The following PPP1R14C variants were observed in gnomAD, a reference collection of about 807,000 sequenced individuals.
PPP1R14C encodes protein phosphatase 1 regulatory inhibitor subunit 14C, also known as protein phosphatase 1 regulatory subunit 14C.
In PPP1R14C, 16 loss-of-function variants were observed where a neutral mutation model predicts 20.4. That is an observed-to-expected ratio of 0.78 (90% CI 0.53 to 1.19). The LOEUF is 1.19. Among genes scored for constraint, PPP1R14C ranks in the 50% most tolerant of loss-of-function variants. PPP1R14C has a pLI of 0.00. For synonymous variants in PPP1R14C, 91 were observed against 91.0 expected (o/e 1.00, Z 0.00); for missense variants, 211 against 220.1 (o/e 0.96, Z 0.26).
intron 1 of PPP1R14C, among the ~76,000 whole-genome samples, chr6:150,180,260 A>C (rs1344999483): frequency 1.3e-5 from 2 of 152,224 alleles, no homozygotes; most frequent in African/African-American, 4.8e-5. Flanking sequence ...AAGCATTAGC[A>C]TAGTGTCTGG....
Position 150,151,063 on chromosome 6 carries a change from A to G in PPP1R14C, c.306+7565A>G, listed in dbSNP as rs1181046390. Among the ~76,000 whole-genome samples the G allele has an allele frequency of 2.2e-5, 3 of 135,364 alleles. No individual in the cohort carries two copies. In the South Asian group the frequency reaches 7.1e-4, roughly 32 times the overall value. The allele number at this position is 135,364 out of a possible 152,430, so 88.8% of individuals were successfully genotyped here. A position where few individuals can be genotyped will look rare whatever the true frequency, so the allele number is the denominator to read the frequency against. On this transcript the variant is annotated intron_variant, in intron 1 of 3. Coordinates refer to ENST00000361131, the MANE Select transcript of PPP1R14C (RefSeq NM_030949.3). ...GTTTTGTTTTGTTTTTTTTTCCTTC[A>G]CTCCTGCGTGCTGTTTTTGGATGAT... is the stretch of plus-strand genomic sequence containing the variant.
intron 1 of PPP1R14C, among the ~76,000 whole-genome samples, chr6:150,199,296 A>G (rs1477645391): frequency 6.6e-6 from 1 of 152,216 alleles, no homozygotes; most frequent in African/African-American, 2.4e-5. Flanking sequence ...TGTCCCCTCC[A>G]AAATTCAGGT....
chr6:150,217,484 C>T (rs572186537), intron 3 of PPP1R14C, among the ~76,000 whole-genome samples: 3 of 152,176 alleles, frequency 2.0e-5, no homozygotes, highest in East Asian at 1.9e-4. Flanking sequence ...TGTGAGCCAC[C>T]GCACCCGGCC....
In PPP1R14C at chr6:150,250,194, G is replaced by A. The variant is rs1778548535; in HGVS notation, c.*1374G>A. 1 of 152,404 alleles carries A rather than the reference G, an allele frequency of 6.6e-6. No homozygotes were observed. The highest frequency in any genetic ancestry group is 1.5e-5 in the Non-Finnish European group (1 of 68,044). The allele number at this position is 152,404 out of a possible 1,614,324, so 9.4% of individuals were successfully genotyped here. On this transcript the variant is annotated 3_prime_UTR_variant, in exon 4 of 4. Transcript: ENST00000361131. ...GGCCTTGTCCAAGGATGGGGGTCAG[G>A]CATTTTATATCAAGGGTGCTCTGAA...
At chr6:150,158,229 A>G (rs1423214143) in intron 1 of PPP1R14C, among the ~76,000 whole-genome samples, 1 of 152,220 alleles carries the variant, frequency 6.6e-6, no homozygotes, top group East Asian at 1.9e-4. Flanking sequence ...TTTTGCTATA[A>G]CTAATTCTGC....
At chr6:150,236,642 C>CGT (rs1778364809) in intron 3 of PPP1R14C, among the ~76,000 whole-genome samples, 1 of 86,260 alleles carries the variant, frequency 1.2e-5, no homozygotes, top group African/African-American at 7.0e-5. Flanking sequence ...TGTGTGTGCG[C>CGT]GTGTGTGTGT....
chr6:150,175,422 G>A (rs1777550643), intron 1 of PPP1R14C, among the ~76,000 whole-genome samples: 1 of 152,156 alleles, frequency 6.6e-6, no homozygotes, highest in Non-Finnish European at 1.5e-5. Flanking sequence ...ATTTACTAAG[G>A]ATGCAGAGCT....
At chr6:150,203,133 C>T (rs947167982) in intron 1 of PPP1R14C, among the ~76,000 whole-genome samples, 1 of 152,142 alleles carries the variant, frequency 6.6e-6, no homozygotes, top group Non-Finnish European at 1.5e-5. Context: ...TGGGTTTTGG[C>T]AAATGTGTGA....
chr6:150,239,248 A>G (rs1215967418), intron 3 of PPP1R14C, among the ~76,000 whole-genome samples: 1 of 152,214 alleles, frequency 6.6e-6, no homozygotes, highest in Non-Finnish European at 1.5e-5. Context: ...GTATAAAGGT[A>G]GTGGTGAAAC....
At chr6:150,198,703 C>T (rs926775682) in intron 1 of PPP1R14C, among the ~76,000 whole-genome samples, 2 of 152,196 alleles carry the variant, frequency 1.3e-5, no homozygotes, top group African/African-American at 4.8e-5. Flanking sequence ...GGAATGGTGC[C>T]GCTGACATAG....
chr6:150,177,768 G>A (rs1192831263), intron 1 of PPP1R14C, among the ~76,000 whole-genome samples: 1 of 152,156 alleles, frequency 6.6e-6, no homozygotes, highest in East Asian at 1.9e-4. Flanking sequence ...CAGCTGTCGG[G>A]GAGGCAGGGA....
chr6:150,167,459 A>T (rs75322834), intron 1 of PPP1R14C, among the ~76,000 whole-genome samples: 1 of 152,112 alleles, frequency 6.6e-6, no homozygotes, highest in Non-Finnish European at 1.5e-5. Context: ...TTCTTGATTT[A>T]TTACAGAGGT....
rs1006407769 is a variant in PPP1R14C at position 150,174,316 on chromosome 6, T to G, written c.306+30818T>G. Among the ~76,000 whole-genome samples, 3 of 152,044 alleles carry G rather than the reference T, an allele frequency of 2.0e-5. No homozygotes were observed. In the East Asian group the frequency reaches 5.9e-4, roughly 30 times the overall value. On this transcript the variant is annotated intron_variant, in intron 1 of 3. Transcript: ENST00000361131. ...CTCACTGCAAGCTCTGCCTCCTGGGTTCACACCATTCTCCTGCCTCAGCCT... is the reference window on the plus strand; with the variant it reads ...CTCACTGCAAGCTCTGCCTCCTGGGGTCACACCATTCTCCTGCCTCAGCCT...
intron 1 of PPP1R14C, among the ~76,000 whole-genome samples, chr6:150,170,679 T>G (rs993175739): frequency 5.9e-5 from 9 of 151,952 alleles, no homozygotes; most frequent in African/African-American, 2.2e-4. Flanking sequence ...CAAAAATCAC[T>G]TCCCTTCCTT....
intron 1 of PPP1R14C, among the ~76,000 whole-genome samples, chr6:150,186,503 C>T (rs1485671204): frequency 6.6e-6 from 1 of 152,182 alleles, no homozygotes; most frequent in African/African-American, 2.4e-5. Context: ...CATAGGTGAG[C>T]TCCACATCCT....
chr6:150,168,520 G>A (rs192520424), intron 1 of PPP1R14C, among the ~76,000 whole-genome samples: 59 of 102,216 alleles, frequency 5.8e-4, no homozygotes, highest in African/African-American at 1.9e-3. Flanking sequence ...GCGAAAGAGC[G>A]AGACTCCCGT....
rs142976743 is a variant in PPP1R14C, at chr6:150,177,952, G to A, written c.306+34454G>A. ...TCATCACTGTGTGGTTAGCCCCAGCGGGGATATAAATATTGTCCAGATGCT... is the reference window on the plus strand; with the variant it reads ...TCATCACTGTGTGGTTAGCCCCAGCAGGGATATAAATATTGTCCAGATGCT... On this transcript the variant is annotated intron_variant, in intron 1 of 3. Coordinates refer to ENST00000361131, the MANE Select transcript of PPP1R14C (RefSeq NM_030949.3). Among the ~76,000 whole-genome samples, 540 of 152,288 alleles carry A rather than the reference G, an allele frequency of 3.5e-3. 3 individuals are homozygous for A. The highest frequency in any genetic ancestry group is 0.012 in the African/African-American group (493 of 41,564).
At chr6:150,149,317 G>GTC (rs1554280431) in intron 1 of PPP1R14C, among the ~76,000 whole-genome samples, 20 of 151,434 alleles carry the variant, frequency 1.3e-4, no homozygotes, top group Non-Finnish European at 2.7e-4. Context: ...GTGTGTGTGT[G>GTC]TGTGTGTATG....
At chr6:150,193,314 A>G (rs1777767571) in intron 1 of PPP1R14C, among the ~76,000 whole-genome samples, 1 of 152,050 alleles carries the variant, frequency 6.6e-6, no homozygotes, top group Admixed American at 6.6e-5. Flanking sequence ...AGAAAATCTC[A>G]GAGACTGCTA....
Sources: gnomAD v4.1 joint callset for allele counts (sites outside exome capture counted in the v4.1 genomes callset) on GRCh38, gnomAD v4.1.1 for gene constraint, MANE v1.5 for transcripts, NCBI Gene and HGNC (gene_info 2026-07-23, HGNC 2026-07-21) for gene names.